CNOT1: variants seen among roughly 807,000 people sequenced by gnomAD.
CNOT1 encodes the protein CCR4-NOT transcription complex subunit 1, also known as CCR4-associated factor 1.
CNOT1 carries 15 observed loss-of-function variants against 273.8 expected under a neutral mutation model. The ratio of observed to expected loss-of-function variants is 0.05; its 90% CI spans 0.04 to 0.08. The LOEUF is 0.08. Among genes scored for constraint, CNOT1 ranks in the 10% least tolerant of loss-of-function variants. The pLI is 1.00. For missense variants in CNOT1, 1,644 were observed against 2,912.2 expected (o/e 0.56, Z 10.02); for synonymous variants, 1,022 against 1,005.5 (o/e 1.02, Z -0.31).
intron 1 of CNOT1, among the ~76,000 whole-genome samples, chr16:58,616,977 TG>T: frequency 6.6e-6 from 1 of 152,298 alleles, no homozygotes; most frequent in Admixed American, 6.5e-5. Context: ...AAAAAAACAC[TG>T]AAGAGCAGTA....
chr16:58,612,341 C>G (rs190195614), intron 1 of CNOT1, among the ~76,000 whole-genome samples: 9 of 152,220 alleles, frequency 5.9e-5, no homozygotes, highest in African/African-American at 2.2e-4. Context: ...AACTGATAAC[C>G]AAGTTTGACC....
At chr16:58,600,114 G>A (rs60066934) in intron 1 of CNOT1, among the ~76,000 whole-genome samples, 6,595 of 151,930 alleles carry the variant, frequency 0.043, 411 homozygotes, top group East Asian at 0.26. Flanking sequence ...AGGCCAAGGC[G>A]GGTGTGGATT....
intron 1 of CNOT1, among the ~76,000 whole-genome samples, chr16:58,623,015 T>C (rs1189083941): frequency 6.6e-6 from 1 of 151,802 alleles, no homozygotes. Context: ...CTGACCAATA[T>C]GGCAAAACCC....
chr16:58,617,526 G>C (rs1047677645), intron 1 of CNOT1, among the ~76,000 whole-genome samples: 3 of 152,122 alleles, frequency 2.0e-5, no homozygotes, highest in African/African-American at 7.2e-5. Flanking sequence ...GTGCATATTG[G>C]TAAGTACAAG....
intron 23 of CNOT1, 47 bp from the exon 24 acceptor site, chr16:58,551,319 T>C: frequency 2.0e-6 from 3 of 1,521,792 alleles, no homozygotes; most frequent in Non-Finnish European, 1.8e-6. Context: ...TTGAAATGCT[T>C]CCCTGAAAAA....
intron 1 of CNOT1, among the ~76,000 whole-genome samples, 190 bp from the exon 2 acceptor site, chr16:58,599,701 A>C (rs1299463098): frequency 1.3e-5 from 2 of 152,164 alleles, no homozygotes; most frequent in African/African-American, 4.8e-5. Context: ...GACTCTAAAA[A>C]GATAGTAAGG....
intron 1 of CNOT1, among the ~76,000 whole-genome samples, chr16:58,602,068 T>A (rs1011528573): frequency 2.0e-5 from 3 of 151,956 alleles, no homozygotes; most frequent in Non-Finnish European, 4.4e-5. Context: ...TTTTATTTTT[T>A]TTATTTTTTA....
intron 1 of CNOT1, among the ~76,000 whole-genome samples, chr16:58,620,245 C>CA (rs1240055120): frequency 1.3e-5 from 2 of 152,074 alleles, no homozygotes; most frequent in Admixed American, 6.6e-5. Context: ...CCAAGGATGG[C>CA]AAAAAATCAA....
chr16:58,576,619 T>TA, intron 13 of CNOT1, 37 bp from the exon 14 acceptor site: 1 of 1,613,022 alleles, frequency 6.2e-7, no homozygotes, highest in African/African-American at 1.3e-5. Context: ...GCAATACTGC[T>TA]AAACACTGTG....
intron 16 of CNOT1, among the ~76,000 whole-genome samples, chr16:58,571,326 T>A (rs944644641): frequency 6.6e-6 from 1 of 150,978 alleles, no homozygotes; most frequent in African/African-American, 2.4e-5. Context: ...GAGGCCAAGG[T>A]GGGTAGATCA....
chr16:58,603,040 C>G (rs1265950789), intron 1 of CNOT1, among the ~76,000 whole-genome samples: 2 of 152,118 alleles, frequency 1.3e-5, no homozygotes, highest in Non-Finnish European at 2.9e-5. Context: ...GCCAATCTGA[C>G]AGGAAATTAT....
At chr16:58,526,489 A>C (rs2039584049) in intron 44 of CNOT1, among the ~76,000 whole-genome samples, 1 of 142,718 alleles carries the variant, frequency 7.0e-6, no homozygotes, top group African/African-American at 2.7e-5. Context: ...CCCCAGCAAG[A>C]CCAGACATCA....
intron 17 of CNOT1, 148 bp from the exon 18 acceptor site, chr16:58,558,822 C>T: frequency 8.7e-7 from 1 of 1,155,316 alleles, no homozygotes; most frequent in Non-Finnish European, 1.2e-6. Flanking sequence ...TCCCAGTTAT[C>T]AAGTCAAGTG....
intron 24 of CNOT1, among the ~76,000 whole-genome samples, chr16:58,550,502 T>C (rs1189568369): frequency 6.6e-6 from 1 of 152,208 alleles, no homozygotes; most frequent in African/African-American, 2.4e-5. Flanking sequence ...CCTTATAATT[T>C]TCCTTCATAG....
chr16:58,556,515 C>A (rs1030162038), intron 19 of CNOT1, among the ~76,000 whole-genome samples: 1 of 152,090 alleles, frequency 6.6e-6, no homozygotes, highest in Non-Finnish European at 1.5e-5. Flanking sequence ...TGAAATTGTC[C>A]TTCTCACTCC....
At chr16:58,602,852 A>G (rs1307560728) in intron 1 of CNOT1, among the ~76,000 whole-genome samples, 1 of 152,110 alleles carries the variant, frequency 6.6e-6, no homozygotes, top group Non-Finnish European at 1.5e-5. Context: ...AAATTTGTAT[A>G]ATATAATCTC....
Position 58,580,746 on chromosome 16 carries a change from T to C in CNOT1, c.1230A>G (p.Gln410=), listed in dbSNP as rs778237424. The C allele has an allele frequency of 3.7e-6, 6 of 1,611,804 alleles. No individual in the cohort carries two copies. Among genetic ancestry groups the C allele is most frequent in the South Asian group, 2.2e-5 (2 of 90,640 alleles). ...AGATCTCTGGATTTATAAGGGAATG[T>C]TGAATGAAGGAGAGCTGCAATGAAA... The part of the protein sequence containing the change: ...KHAEGQLSFI[Q]HSLINPEIFC... Residue 410 remains glutamine, a synonymous_variant, in exon 12 of 49, where the codon CAA becomes CAG. Coordinates refer to ENST00000317147, the MANE Select transcript of CNOT1 (RefSeq NM_016284.5).
chr16:58,578,707 G>A lies in CNOT1; in HGVS notation c.1576C>T (p.His526Tyr). 6.2e-7 allele frequency: 1 copy of A among 1,614,066 alleles called. No homozygotes were observed. Among genetic ancestry groups the A allele is most frequent in the Non-Finnish European group, 8.5e-7 (1 of 1,180,018 alleles). The change falls in exon 13 of 49, where the codon CAT becomes TAT. Residue 526 changes from histidine (H) to tyrosine (Y), a missense_variant. His to Tyr is a moderately conservative substitution (Grantham distance 83, BLOSUM62 2). This residue lies in a region of CNOT1 where 706 missense variants were observed against 1,021.2 expected (regional missense o/e 0.69). Coordinates refer to ENST00000317147, the MANE Select transcript of CNOT1 (RefSeq NM_016284.5). ...NSAIILHYAW[H>Y]GQGQSPSIRQ... ...ACACGGTCACATCTTACCTGCCCAT[G>A]CCATGCATAGTGCAAAATAATAGCT...
intron 22 of CNOT1, among the ~76,000 whole-genome samples, 198 bp downstream of exon 22, chr16:58,553,584 C>A (rs1340606839): frequency 1.3e-5 from 2 of 152,046 alleles, no homozygotes; most frequent in African/African-American, 2.4e-5. Flanking sequence ...AAAAGATAAT[C>A]CAAGAATGAT....
Sources: gnomAD v4.1 joint callset for allele counts (sites outside exome capture counted in the v4.1 genomes callset) on GRCh38, gnomAD v4.1.1 for gene constraint, gnomAD v4.1.1 regional missense constraint, MANE v1.5 for transcripts, NCBI Gene and HGNC (gene_info 2026-07-23, HGNC 2026-07-21) for gene names.